ADCY8: variants seen among roughly 807,000 people sequenced by gnomAD.
ADCY8 encodes the protein adenylate cyclase 8.
In ADCY8, 51 loss-of-function variants were observed where a neutral mutation model predicts 119.7. That is an observed-to-expected ratio of 0.43 (90% CI 0.34 to 0.54). The LOEUF is 0.54. Among genes scored for constraint, ADCY8 ranks in the 20% least tolerant of loss-of-function variants. The pLI, the probability that ADCY8 is intolerant of heterozygous loss-of-function variation, is 0.03. For missense variants in ADCY8, 1,383 were observed against 1,598.8 expected (o/e 0.87, Z 2.30); for synonymous variants, 665 against 651.0 (o/e 1.02, Z -0.33).
intron 17 of ADCY8, among the ~76,000 whole-genome samples, chr8:130,783,028 A>G (rs1235769641): frequency 2.0e-5 from 3 of 152,190 alleles, no homozygotes; most frequent in Non-Finnish European, 4.4e-5. Context: ...GCCCGCATTT[A>G]CTCATCTACA....
chr8:130,975,467 A>C (rs1364868107), intron 2 of ADCY8, among the ~76,000 whole-genome samples: 2 of 152,214 alleles, frequency 1.3e-5, no homozygotes, highest in Non-Finnish European at 2.9e-5. Flanking sequence ...GAAACTCCCA[A>C]CCACAAAACA....
chr8:130,947,034 T>C (rs1037954464), intron 3 of ADCY8, among the ~76,000 whole-genome samples: 1 of 152,194 alleles, frequency 6.6e-6, no homozygotes, highest in Non-Finnish European at 1.5e-5. Flanking sequence ...TCATCAAGTC[T>C]TTTGATTCTT....
intron 9 of ADCY8, among the ~76,000 whole-genome samples, chr8:130,853,765 CA>C (rs1040151126): frequency 6.6e-6 from 1 of 151,854 alleles, no homozygotes; most frequent in African/African-American, 2.4e-5. Context: ...AGGTGAAAGA[CA>C]GGCCATGTGG....
chr8:130,897,445 T>C (rs1819432957), intron 7 of ADCY8, among the ~76,000 whole-genome samples: 1 of 152,030 alleles, frequency 6.6e-6, no homozygotes, highest in South Asian at 2.1e-4. Flanking sequence ...CTAAATCAAA[T>C]TGTTGTTTGT....
chr8:130,898,658 A>C (rs1022961068), intron 7 of ADCY8, among the ~76,000 whole-genome samples: 1 of 152,200 alleles, frequency 6.6e-6, no homozygotes, highest in African/African-American at 2.4e-5. Flanking sequence ...TCCACAACAT[A>C]CGGAAACAAA....
intron 15 of ADCY8, among the ~76,000 whole-genome samples, chr8:130,790,317 T>G (rs763078984): frequency 6.6e-6 from 1 of 152,200 alleles, no homozygotes; most frequent in Non-Finnish European, 1.5e-5. Flanking sequence ...ATTCCCCAGT[T>G]TGAAATGATT....
At chr8:130,950,494 G>A (rs1821237416) in intron 3 of ADCY8, among the ~76,000 whole-genome samples, 1 of 152,082 alleles carries the variant, frequency 6.6e-6, no homozygotes, top group African/African-American at 2.4e-5. Flanking sequence ...AGGGTTTGGG[G>A]GCTGGTTTGG....
chr8:130,882,020 C>A (rs1049846658), intron 8 of ADCY8, among the ~76,000 whole-genome samples: 1 of 151,970 alleles, frequency 6.6e-6, no homozygotes, highest in Non-Finnish European at 1.5e-5. Flanking sequence ...GTCCCACTAG[C>A]CCCTCAGCCC....
At position 130,891,973 on chromosome 8, in the gene ADCY8, TC is replaced by T. The variant is rs1819203948; in HGVS notation, c.1912-7213del. 2.0e-5 allele frequency: 3 copies of T among 152,176 alleles called. No homozygotes were observed. In the South Asian group the frequency reaches 6.2e-4, roughly 31 times the overall value. The allele number at this position is 152,176 out of a possible 1,614,324, so 9.4% of individuals were successfully genotyped here. On this transcript the variant is annotated intron_variant, in intron 7 of 17. Transcript: ENST00000286355. ...TTTAGTTAGAAATCATGCTTACTTT[TC>T]CTTTTATTTTTTGAATATTTATGTC...
At chr8:131,025,904 A>C (rs1823808516) in intron 1 of ADCY8, among the ~76,000 whole-genome samples, 2 of 152,272 alleles carry the variant, frequency 1.3e-5, no homozygotes, top group Admixed American at 1.3e-4. Flanking sequence ...TCATTCACTT[A>C]TTTAGGTGAT....
chr8:130,789,583 C>T (rs2130065527), intron 15 of ADCY8, among the ~76,000 whole-genome samples: 1 of 152,274 alleles, frequency 6.6e-6, no homozygotes, highest in Admixed American at 6.5e-5. Flanking sequence ...AAGAAAACTT[C>T]ACCCGATATC....
At chr8:130,796,597 CCAAAA>C (rs202026312) in intron 15 of ADCY8, among the ~76,000 whole-genome samples, 1 of 151,934 alleles carries the variant, frequency 6.6e-6, no homozygotes, top group African/African-American at 2.4e-5. Flanking sequence ...CCTCTCTTGA[CCAAAA>C]CAAAACAAAA....
Position 130,780,361 on chromosome 8 carries a change from C to CACA in ADCY8, c.*28_*29insTGT. 12 of 1,280,268 alleles carry CACA rather than the reference C, an allele frequency of 9.4e-6. No homozygotes were observed. The South Asian group carries it at 3.3e-4, about 36-fold the overall frequency. The allele number at this position is 1,280,268 out of a possible 1,614,324, so 79.3% of individuals were successfully genotyped here. On this transcript the variant is annotated 3_prime_UTR_variant, in exon 18 of 18. Coordinates refer to ENST00000286355, the MANE Select transcript of ADCY8 (RefSeq NM_001115.3). ...ATTTATTTTATATATAAAAGAAATA[C>CACA]AAAAAAAAAAAACAGAAAGAAAATG...
At chr8:130,919,594 T>C (rs1260373305) in intron 5 of ADCY8, among the ~76,000 whole-genome samples, 1 of 152,222 alleles carries the variant, frequency 6.6e-6, no homozygotes, top group African/African-American at 2.4e-5. Flanking sequence ...ATTTTTGTCA[T>C]GGATGAGTTC....
chr8:131,020,304 G>A (rs142438900), intron 1 of ADCY8, among the ~76,000 whole-genome samples: 1 of 152,176 alleles, frequency 6.6e-6, no homozygotes, highest in Non-Finnish European at 1.5e-5. Flanking sequence ...TGAGGCTACT[G>A]TGATTCAGGT....
chr8:130,932,914 G>A (rs1820676165), intron 5 of ADCY8, among the ~76,000 whole-genome samples: 1 of 152,168 alleles, frequency 6.6e-6, no homozygotes, highest in Non-Finnish European at 1.5e-5. Context: ...GTCATTTTGA[G>A]TGTTGGTTTG....
At chr8:130,842,290 G>C (rs917524511) in intron 11 of ADCY8, among the ~76,000 whole-genome samples, 10 of 151,994 alleles carry the variant, frequency 6.6e-5, no homozygotes, top group African/African-American at 2.4e-4. Flanking sequence ...TTGAGGTTTT[G>C]AACCTGTGGA....
At chr8:131,039,312 C>A in intron 1 of ADCY8, 62 bp downstream of exon 1, 1 of 1,580,996 alleles carries the variant, frequency 6.3e-7, no homozygotes. Flanking sequence ...TCTCTGGAAG[C>A]TATATGATCA....
At chr8:130,937,737 C>A (rs992317142) in intron 4 of ADCY8, among the ~76,000 whole-genome samples, 1 of 152,132 alleles carries the variant, frequency 6.6e-6, no homozygotes, top group Non-Finnish European at 1.5e-5. Flanking sequence ...TCCTTTTATT[C>A]GTTTATTAAT....
Sources: allele counts gnomAD v4.1 joint callset (sites outside exome capture counted in the v4.1 genomes callset), GRCh38; gene constraint gnomAD v4.1.1; transcripts MANE v1.5; gene names NCBI Gene and HGNC (gene_info 2026-07-23, HGNC 2026-07-21).